Variants in SPTLC3 observed in about 807,000 individuals in gnomAD.
SPTLC3 encodes serine palmitoyltransferase long chain base subunit 3, also known as serine palmitoyltransferase 3.
A neutral mutation model predicts 59.3 loss-of-function variants in SPTLC3; 36 were observed. The observed-to-expected ratio is 0.61, with a 90% CI of 0.47 to 0.80. The LOEUF is 0.80. Ranked by LOEUF, SPTLC3 falls within the 30% of genes least tolerant of loss-of-function variation. The pLI is 0.00. For missense variants in SPTLC3, 625 were observed against 685.1 expected (o/e 0.91, Z 0.98); for synonymous variants, 257 against 240.8 (o/e 1.07, Z -0.62).
At chr20:13,054,969 A>G (rs1987658473) in intron 2 of SPTLC3, among the ~76,000 whole-genome samples, 1 of 152,180 alleles carries the variant, frequency 6.6e-6, no homozygotes, top group African/African-American at 2.4e-5. Context: ...ACAAGAAAAA[A>G]AGTTAACAGT....
intron 4 of SPTLC3, among the ~76,000 whole-genome samples, chr20:13,080,493 T>A: frequency 2.0e-5 from 2 of 97,992 alleles, no homozygotes; most frequent in African/African-American, 8.7e-5. Flanking sequence ...CATGACCGAG[T>A]GAAAATCCAT....
chr20:13,031,181 A>G (rs1207964081), intron 1 of SPTLC3, among the ~76,000 whole-genome samples: 1 of 152,220 alleles, frequency 6.6e-6, no homozygotes, highest in African/African-American at 2.4e-5. Context: ...TCTGGACAAT[A>G]GAACTTCCTA....
chr20:13,154,702 C>T lies in SPTLC3; in HGVS notation c.1415+564C>T, dbSNP rs117960698. On this transcript the variant is annotated intron_variant, in intron 10 of 11. Coordinates refer to ENST00000399002, the MANE Select transcript of SPTLC3 (RefSeq NM_018327.4). ...ACATTGAAGCTCATGCTCAGTTTCT[C>T]ATGCCCTTACTGTGAACCTGTTTGG... 4.2e-4 allele frequency among the ~76,000 whole-genome samples: 64 copies of T among 152,304 alleles called. 4 individuals are homozygous for T. The East Asian group carries it at 0.012, about 29-fold the overall frequency.
chr20:13,154,748 A>G (rs1021092597), intron 10 of SPTLC3, among the ~76,000 whole-genome samples: 1 of 152,194 alleles, frequency 6.6e-6, no homozygotes, highest in African/African-American at 2.4e-5. Context: ...CTTGATTGCA[A>G]CTTTGAAACA....
chr20:13,127,186 C>T (rs1600334467), intron 9 of SPTLC3, among the ~76,000 whole-genome samples: 1 of 152,220 alleles, frequency 6.6e-6, no homozygotes. Context: ...ACACAATAAG[C>T]TTCCAGCCAT....
At chr20:13,100,838 A>G (rs758013847) in intron 6 of SPTLC3, among the ~76,000 whole-genome samples, 4 of 152,232 alleles carry the variant, frequency 2.6e-5, no homozygotes, top group Non-Finnish European at 4.4e-5. Context: ...CAGGCAAATG[A>G]TAAATCACAG....
At chr20:13,074,103 C>A in intron 3 of SPTLC3, 1 of 676,334 alleles carries the variant, frequency 1.5e-6, no homozygotes. Context: ...CCTTTTCCAG[C>A]TTCCAGGGAC....
At chr20:13,099,589 A>G (rs980553177) in intron 6 of SPTLC3, among the ~76,000 whole-genome samples, 1 of 152,216 alleles carries the variant, frequency 6.6e-6, no homozygotes, top group African/African-American at 2.4e-5. Context: ...TTTACATCAC[A>G]AAAACAGACC....
intron 1 of SPTLC3, among the ~76,000 whole-genome samples, chr20:13,024,572 A>G (rs1986057509): frequency 6.6e-6 from 1 of 152,212 alleles, no homozygotes; most frequent in South Asian, 2.1e-4. Flanking sequence ...AATCTGAAGT[A>G]TATCATTCAA....
intron 1 of SPTLC3, among the ~76,000 whole-genome samples, chr20:13,023,850 T>C (rs1986013697): frequency 6.6e-6 from 1 of 152,182 alleles, no homozygotes; most frequent in Non-Finnish European, 1.5e-5. Flanking sequence ...TAATTCATCT[T>C]GATCATTCCT....
At chr20:13,118,815 T>C (rs1990738285) in intron 8 of SPTLC3, among the ~76,000 whole-genome samples, 1 of 152,202 alleles carries the variant, frequency 6.6e-6, no homozygotes, top group Non-Finnish European at 1.5e-5. Context: ...CAGAAAACAG[T>C]CCTCTCATTG....
intron 2 of SPTLC3, among the ~76,000 whole-genome samples, chr20:13,059,313 C>T (rs528276128): frequency 6.6e-6 from 1 of 152,200 alleles, no homozygotes; most frequent in East Asian, 1.9e-4. Context: ...TTCACTGTTA[C>T]GTCGCTAGTA....
chr20:13,150,845 C>T (rs2122941052), intron 9 of SPTLC3, among the ~76,000 whole-genome samples: 1 of 152,332 alleles, frequency 6.6e-6, no homozygotes, highest in Non-Finnish European at 1.5e-5. Context: ...GAATACTCTC[C>T]TCTAGCTTTT....
At chr20:13,080,171 T>G (rs563190962) in intron 4 of SPTLC3, among the ~76,000 whole-genome samples, 362 of 152,234 alleles carry the variant, frequency 2.4e-3, no homozygotes, top group Non-Finnish European at 3.9e-3. Flanking sequence ...AAAAAAAGAA[T>G]ATCCCAATTT....
chr20:13,105,656 G>A (rs1409650726), intron 6 of SPTLC3, among the ~76,000 whole-genome samples: 1 of 152,068 alleles, frequency 6.6e-6, no homozygotes, highest in African/African-American at 2.4e-5. Context: ...ATTTTAAAAT[G>A]ACTACTAATT....
chr20:13,132,344 T>C (rs1231671538), intron 9 of SPTLC3, among the ~76,000 whole-genome samples: 1 of 151,716 alleles, frequency 6.6e-6, no homozygotes, highest in East Asian at 1.9e-4. Context: ...GCCCAGCTAA[T>C]TTTTGTATTT....
At chr20:13,098,343 A>G (rs1989493453) in intron 6 of SPTLC3, among the ~76,000 whole-genome samples, 1 of 152,226 alleles carries the variant, frequency 6.6e-6, no homozygotes. Flanking sequence ...ACACAGGTGG[A>G]CAGACATAGC....
chr20:13,063,600 T>A (rs967278851), intron 2 of SPTLC3, among the ~76,000 whole-genome samples: 1 of 151,724 alleles, frequency 6.6e-6, no homozygotes, highest in Non-Finnish European at 1.5e-5. Context: ...CTATGTGCTG[T>A]CTGAGGTAAA....
chr20:13,129,886 T>G (rs1282547020), intron 9 of SPTLC3, among the ~76,000 whole-genome samples: 1 of 152,224 alleles, frequency 6.6e-6, no homozygotes, highest in Non-Finnish European at 1.5e-5. Context: ...TTTGGTTACT[T>G]TTTTAACCTC....
Sources: gnomAD v4.1 joint callset for allele counts (sites outside exome capture counted in the v4.1 genomes callset) on GRCh38, gnomAD v4.1.1 for gene constraint, MANE v1.5 for transcripts, NCBI Gene and HGNC (gene_info 2026-07-23, HGNC 2026-07-21) for gene names.